Variants in HS3ST6 observed in about 807,000 individuals in gnomAD.
HS3ST6 encodes heparan sulfate-glucosamine 3-sulfotransferase 6, also known as heparan sulfate glucosamine 3-O-sulfotransferase 6.
A neutral mutation model predicts 11.0 loss-of-function variants in HS3ST6; 13 were observed. The observed-to-expected ratio is 1.18, with a 90% CI of 0.77 to 1.88. The LOEUF is 1.88. HS3ST6 is among the 40% of genes most tolerant of loss of function. The pLI, the probability that HS3ST6 is intolerant of heterozygous loss-of-function variation, is 0.00. For synonymous variants in HS3ST6, 232 were observed against 230.6 expected (o/e 1.01, Z -0.06); for missense variants, 541 against 494.4 (o/e 1.09, Z -0.89).
chr16:1,914,177 A>C (rs2082910888), intron 1 of HS3ST6, among the ~76,000 whole-genome samples: 1 of 151,902 alleles, frequency 6.6e-6, no homozygotes, highest in Non-Finnish European at 1.5e-5. Context: ...CTTCCAGCCC[A>C]CCTGGAAGGG....
In HS3ST6 at chr16:1,912,024, G is replaced by A. The variant is rs373353012; in HGVS notation, c.595C>T (p.Pro199Ser). 1.3e-6 allele frequency: 2 copies of A among 1,524,252 alleles called. No individual in the cohort carries two copies. The highest frequency in any genetic ancestry group is 1.8e-6 in the Non-Finnish European group (2 of 1,137,560). 94.4% of individuals were successfully genotyped at this position (1,524,252 alleles called of 1,614,324 possible). A position where few individuals can be genotyped will look rare whatever the true frequency, so the allele number is the denominator to read the frequency against. ...SDYAQTLSKT[P>S]GLPSFRALAF... ...AGGGCGCGGAAGCTGGGCAGGCCCG[G>A]GGTCTTGGAGAGCGTCTGGGCGTAG... The change falls in exon 2 of 2, where the codon CCG becomes TCG. Residue 199 changes from proline to serine, a missense_variant. Physicochemically the swap from Pro to Ser is moderately conservative, Grantham distance 74. Transcript: ENST00000454677. This position sits in a 1 kb window ranked among gnomAD's most constrained non-coding sequence, Gnocchi z 5.6.
Position 1,911,907 on chromosome 16 carries a change from A to G in HS3ST6, c.712T>C (p.Tyr238His). ...AACAGGAAGTGGGACAGGGGGAAGT[A>G]GCGCAGCCAGTGGTCCAGGTGCTGG... ...YAQHLDHWLR[Y>H]FPLSHFLFVS... The change falls in exon 2 of 2, where the codon TAC becomes CAC. Residue 238 changes from tyrosine to histidine, a missense_variant. Coordinates refer to ENST00000454677, the MANE Select transcript of HS3ST6 (RefSeq NM_001009606.4). 6.2e-7 allele frequency: 1 copy of G among 1,602,780 alleles called. No homozygotes were observed. Among genetic ancestry groups the G allele is most frequent in the Non-Finnish European group, 8.5e-7 (1 of 1,173,382 alleles).
chr16:1,914,766 G>C (rs1657145), intron 1 of HS3ST6, among the ~76,000 whole-genome samples: 1 of 151,992 alleles, frequency 6.6e-6, no homozygotes, highest in East Asian at 1.9e-4. Context: ...AAGGGCTTTC[G>C]AGGCCCCCTC....
At chr16:1,915,544 G>C (rs2082920092) in intron 1 of HS3ST6, among the ~76,000 whole-genome samples, 1 of 152,222 alleles carries the variant, frequency 6.6e-6, no homozygotes, top group South Asian at 2.1e-4. Context: ...CCAAAGGGCT[G>C]GGATTACAGG....
chr16:1,916,926 C>T (rs941050246), intron 1 of HS3ST6, among the ~76,000 whole-genome samples: 4 of 151,906 alleles, frequency 2.6e-5, no homozygotes, highest in Admixed American at 2.6e-4. Context: ...AGGTGAGCCC[C>T]GGGATGGACT....
Position 1,911,742 on chromosome 16 carries a change from G to C in HS3ST6, c.877C>G (p.Gln293Glu). 1.2e-6 allele frequency: 2 copies of C among 1,613,524 alleles called. No homozygotes were observed. The highest frequency in any genetic ancestry group is 8.5e-7 in the Non-Finnish European group (1 of 1,179,670). ...AGGCAGCGGGGACGGCTGCCGCCCTGGGCCTTCTTGAGGCAGGGGAAGCCC... is the reference window on the plus strand; with the variant it reads ...AGGCAGCGGGGACGGCTGCCGCCCTCGGCCTTCTTGAGGCAGGGGAAGCCC... ...TKGFPCLKKAQGGSRPRCLGK... is the reference protein window; with the variant it reads ...TKGFPCLKKAEGGSRPRCLGK... Residue 293 changes from glutamine (Q) to glutamate (E), a missense_variant, in exon 2 of 2, where the codon CAG becomes GAG. Coordinates refer to ENST00000454677, the MANE Select transcript of HS3ST6 (RefSeq NM_001009606.4).
At chr16:1,919,542 C>T (rs568919258), upstream of HS3ST6, among the ~76,000 whole-genome samples, 4 of 152,370 alleles carry the variant, frequency 2.6e-5, no homozygotes, top group East Asian at 1.9e-4. Context: ...CAGGCAGGCA[C>T]GGCACAGGCT....
At chr16:1,914,770 C>T (rs1213281184) in intron 1 of HS3ST6, among the ~76,000 whole-genome samples, 1 of 152,182 alleles carries the variant, frequency 6.6e-6, no homozygotes, top group African/African-American at 2.4e-5. Flanking sequence ...GCTTTCGAGG[C>T]CCCCTCTTGC....
chr16:1,914,554 G>A (rs1401280959), intron 1 of HS3ST6, among the ~76,000 whole-genome samples: 1 of 152,132 alleles, frequency 6.6e-6, no homozygotes, highest in Non-Finnish European at 1.5e-5. Flanking sequence ...GCGAGACCAG[G>A]AGCCCACCCC....
In HS3ST6 at chr16:1,912,192, G is replaced by T. The variant is rs371972747; in HGVS notation, c.427C>A (p.Arg143=). 9.7e-6 allele frequency: 14 copies of T among 1,437,792 alleles called. No homozygotes were observed. Among genetic ancestry groups the T allele is most frequent in the Non-Finnish European group, 1.3e-5 (14 of 1,095,730 alleles). The allele number at this position is 1,437,792 out of a possible 1,614,324, so 89.1% of individuals were successfully genotyped here. A position where few individuals can be genotyped will look rare whatever the true frequency, so the allele number is the denominator to read the frequency against. The change falls in exon 2 of 2, where the codon CGA becomes AGA. Residue 143 remains arginine (R), a synonymous_variant. Coordinates refer to ENST00000454677, the MANE Select transcript of HS3ST6 (RefSeq NM_001009606.4). The surrounding 1 kb of genome is among the most constrained non-coding windows in gnomAD (Gnocchi z 5.6). ...GLAWYRSLMP[R]TLDGQITMEK... The stretch of plus-strand genomic sequence containing the variant: ...ATGGTGATCTGCCCATCCAGGGTTC[G>T]GGGCATCAGACTCCTGCGGGACGGG...
Position 1,912,895 on chromosome 16 carries a change from G to A in HS3ST6, c.414-690C>T, listed in dbSNP as rs1433861068. On this transcript the variant is annotated intron_variant, in intron 1 of 1. Transcript: ENST00000454677. This position sits in a 1 kb window ranked among gnomAD's most constrained non-coding sequence, Gnocchi z 5.6. ...CAACCTCTGCCTCCCGGGTTCAAGCGATTTTCCTGCCTCAGCCCCCGGAGT... is the reference window on the plus strand; with the variant it reads ...CAACCTCTGCCTCCCGGGTTCAAGCAATTTTCCTGCCTCAGCCCCCGGAGT... 6.6e-6 allele frequency among the ~76,000 whole-genome samples: 1 copy of A among 152,136 alleles called. No individual in the cohort carries two copies. The highest frequency in any genetic ancestry group is 6.5e-5 in the Admixed American group (1 of 15,268).
chr16:1,913,246 C>G (rs369867588), intron 1 of HS3ST6, among the ~76,000 whole-genome samples: 1 of 152,224 alleles, frequency 6.6e-6, no homozygotes, highest in African/African-American at 2.4e-5. Context: ...CCCTGGGCCG[C>G]TGTGGCCCCC....
intron 1 of HS3ST6, among the ~76,000 whole-genome samples, chr16:1,915,315 G>A (rs1597010811): frequency 2.0e-5 from 3 of 152,084 alleles, no homozygotes; most frequent in South Asian, 2.1e-4. Flanking sequence ...GACTCTTGTC[G>A]CCCAGGCTGG....
At chr16:1,913,160 A>T (rs2082903039) in intron 1 of HS3ST6, among the ~76,000 whole-genome samples, 1 of 152,136 alleles carries the variant, frequency 6.6e-6, no homozygotes, top group Non-Finnish European at 1.5e-5. Context: ...GCAGGCCAAA[A>T]AGTTACCAGC....
At chr16:1,913,496 AG>A (rs930529346) in intron 1 of HS3ST6, among the ~76,000 whole-genome samples, 2 of 152,104 alleles carry the variant, frequency 1.3e-5, no homozygotes, top group Admixed American at 6.5e-5. Flanking sequence ...GTGCAGGGTG[AG>A]GTTGGGCAGG....
rs1239760935 is a variant in HS3ST6 at position 1,912,814 on chromosome 16, C to T, written c.414-609G>A. ...TCCCATCTTTATTTATTTTTTGAGA[C>T]GGAGTCTTGCTCTGTCACCCAGGCT... On this transcript the variant is annotated intron_variant, in intron 1 of 1. Coordinates refer to ENST00000454677, the MANE Select transcript of HS3ST6 (RefSeq NM_001009606.4). This position sits in a 1 kb window ranked among gnomAD's most constrained non-coding sequence, Gnocchi z 5.6. Among the ~76,000 whole-genome samples the T allele has an allele frequency of 4.6e-5, 7 of 152,162 alleles. No individual in the cohort carries two copies. Among genetic ancestry groups the T allele is most frequent in the African/African-American group, 7.2e-5 (3 of 41,508 alleles).
intron 1 of HS3ST6, among the ~76,000 whole-genome samples, chr16:1,913,997 A>G (rs2082909546): frequency 6.6e-6 from 1 of 152,180 alleles, no homozygotes; most frequent in Non-Finnish European, 1.5e-5. Flanking sequence ...GCTGGCCTAC[A>G]GACGATACCG....
rs1383929290 is a variant in HS3ST6, at chr16:1,912,918, A to G, written c.414-713T>C. ...GCGATTTTCCTGCCTCAGCCCCCGG[A>G]GTAGCTGGGATTACAGGTGCCCGCC... is the stretch of plus-strand genomic sequence containing the variant. On this transcript the variant is annotated intron_variant, in intron 1 of 1. Coordinates refer to ENST00000454677, the MANE Select transcript of HS3ST6 (RefSeq NM_001009606.4). This position sits in a 1 kb window ranked among gnomAD's most constrained non-coding sequence, Gnocchi z 5.6. Among the ~76,000 whole-genome samples, 1 of 152,058 alleles carries G rather than the reference A, an allele frequency of 6.6e-6. No individual in the cohort carries two copies. The highest frequency in any genetic ancestry group is 2.4e-5 in the African/African-American group (1 of 41,392).
rs1397336551 is a variant in HS3ST6 at position 1,912,098 on chromosome 16, G to A, written c.521C>T (p.Thr174Met). The change falls in exon 2 of 2, where the codon ACG becomes ATG. Residue 174 changes from threonine to methionine, a missense_variant. Transcript: ENST00000454677. The surrounding 1 kb of genome is among the most constrained non-coding windows in gnomAD (Gnocchi z 5.6). The stretch of plus-strand genomic sequence containing the variant: ...GTTCCGCACCACCACGATCAGCTTC[G>A]TGTCCGGGGACATGGCGTGGATGCG... ...PRRIHAMSPD[T>M]KLIVVVRNPV... 4.0e-6 allele frequency: 6 copies of A among 1,507,742 alleles called. No individual in the cohort carries two copies. Among genetic ancestry groups the A allele is most frequent in the Admixed American group, 2.3e-5 (1 of 43,002 alleles). 93.4% of individuals were successfully genotyped at this position (1,507,742 alleles called of 1,614,324 possible).
Sources: allele counts gnomAD v4.1 joint callset (sites outside exome capture counted in the v4.1 genomes callset), GRCh38; gene constraint gnomAD v4.1.1; non-coding constraint Gnocchi (gnomAD v3.1); transcripts MANE v1.5; gene names NCBI Gene and HGNC (gene_info 2026-07-23, HGNC 2026-07-21).